DNAH7: variants seen among roughly 807,000 people sequenced by gnomAD.
The protein encoded by DNAH7 is dynein axonemal heavy chain 7.
A neutral mutation model predicts 444.6 loss-of-function variants in DNAH7; 397 were observed. The observed-to-expected ratio is 0.89, with a 90% CI of 0.82 to 0.97. The LOEUF is 0.97. DNAH7 is among the 50% of genes least tolerant of loss of function. The pLI is 0.00. For missense variants in DNAH7, 4,902 were observed against 4,800.8 expected, an observed-to-expected ratio of 1.02 and a Z score of -0.62; for synonymous variants, 1,636 against 1,624.4, an observed-to-expected ratio of 1.01 and a Z score of -0.17.
intron 5 of DNAH7, 33 bp downstream of exon 5, chr2:196,047,319 G>T: frequency 2.0e-6 from 3 of 1,501,476 alleles, no homozygotes; most frequent in Non-Finnish European, 2.7e-6. Context: ...CTCTAACATG[G>T]GTAACACGTA....
intron 57 of DNAH7, among the ~76,000 whole-genome samples, chr2:195,790,477 A>G (rs78709077): frequency 0.011 from 1,677 of 151,780 alleles, 36 homozygotes; most frequent in East Asian, 0.068. Context: ...AAAAAAAAAA[A>G]AAAAGAAAAA....
At chr2:195,814,161 C>T (rs932401130) in intron 51 of DNAH7, among the ~76,000 whole-genome samples, 2 of 152,164 alleles carry the variant, frequency 1.3e-5, no homozygotes, top group Admixed American at 6.5e-5. Context: ...TGGGCAAATA[C>T]TTCTGATTTC....
chr2:196,022,738 T>C (rs1695455308), intron 8 of DNAH7, among the ~76,000 whole-genome samples: 1 of 152,222 alleles, frequency 6.6e-6, no homozygotes, highest in Non-Finnish European at 1.5e-5. Context: ...TCTGCTCATG[T>C]TGATATTTTT....
At position 195,900,438 on chromosome 2, in the gene DNAH7, T is replaced by C; in HGVS notation, c.4392A>G (p.Ile1464Met). 6.2e-7 allele frequency: 1 copy of C among 1,614,024 alleles called. No homozygotes were observed. Among genetic ancestry groups the C allele is most frequent in the Non-Finnish European group, 8.5e-7 (1 of 1,179,902 alleles). Residue 1464 changes from isoleucine (I) to methionine (M), a missense_variant, in exon 28 of 65, where the codon ATA becomes ATG. Physicochemically the swap from Ile to Met is conservative, Grantham distance 10. Coordinates refer to ENST00000312428, the MANE Select transcript of DNAH7 (RefSeq NM_018897.3). Reference protein sequence around the residue: ...MVPDYAMIAEIVLYSCGFVTA... With the variant: ...MVPDYAMIAEMVLYSCGFVTA... ...TGACAAACCCACAGGAGTATAGGAC[T>C]ATTTCAGCAATCATGGCATAGTCAG...
chr2:195,917,851 A>G (rs2125332709), intron 24 of DNAH7, among the ~76,000 whole-genome samples: 1 of 152,208 alleles, frequency 6.6e-6, no homozygotes, highest in African/African-American at 2.4e-5. Context: ...CATTTTTTGT[A>G]GAGATGGGAG....
At chr2:195,809,061 T>C (rs1696839773) in intron 52 of DNAH7, among the ~76,000 whole-genome samples, 185 bp from the exon 53 acceptor site, 1 of 152,220 alleles carries the variant, frequency 6.6e-6, no homozygotes, top group Non-Finnish European at 1.5e-5. Context: ...TGATAACCAG[T>C]TTTCAAAATA....
At position 195,858,742 on chromosome 2, in the gene DNAH7, G is replaced by T. The variant is rs771401874; in HGVS notation, c.7799C>A (p.Ser2600Tyr). The change falls in exon 43 of 65, where the codon TCT (serine) becomes TAT (tyrosine). Residue 2600 changes from serine to tyrosine, a missense_variant. Coordinates refer to ENST00000312428, the MANE Select transcript of DNAH7 (RefSeq NM_018897.3). ...VGLEKLDSAS[S>Y]QVATMQMELE... ...CTCCATCTGCATTGTGGCTACTTGA[G>T]ATGAAGCAGAATCCAGTTTCTCCAA... The T allele has an allele frequency of 6.2e-7, 1 of 1,613,748 alleles. No individual in the cohort carries two copies. The highest frequency in any genetic ancestry group is 1.3e-5 in the African/African-American group (1 of 74,888).
chr2:196,018,726 A>G (rs1263173241), intron 9 of DNAH7, among the ~76,000 whole-genome samples: 1 of 152,290 alleles, frequency 6.6e-6, no homozygotes, highest in East Asian at 1.9e-4. Context: ...ATATAGTTAG[A>G]CAGAATGAAT....
chr2:195,798,852 T>C (rs1696304954), intron 55 of DNAH7, among the ~76,000 whole-genome samples: 1 of 152,030 alleles, frequency 6.6e-6, no homozygotes, highest in Non-Finnish European at 1.5e-5. Context: ...GGCCAGAACA[T>C]ATTTTAATCT....
At chr2:195,922,300 G>T (rs866436010) in intron 23 of DNAH7, 103 bp from the exon 24 acceptor site, 1 of 656,376 alleles carries the variant, frequency 1.5e-6, no homozygotes, top group East Asian at 2.9e-5. Flanking sequence ...CATCTTTAAA[G>T]TTCACTTTTC....
chr2:195,895,126 C>T lies in DNAH7; in HGVS notation c.4746G>A (p.Leu1582=). The change falls in exon 30 of 65, where the codon TTG becomes TTA. Residue 1582 remains leucine (L), a synonymous_variant. Coordinates refer to ENST00000312428, the MANE Select transcript of DNAH7 (RefSeq NM_018897.3). ...TCTCGGAAAAGAATGCAGTCATTTGCAAATTCATGGAGGCACAATTGTCTT... is the reference window on the plus strand; with the variant it reads ...TCTCGGAAAAGAATGCAGTCATTTGTAAATTCATGGAGGCACAATTGTCTT... ...AIKDNCASMN[L]QMTAFFSEKI... 6.2e-7 allele frequency: 1 copy of T among 1,613,702 alleles called. No individual in the cohort carries two copies. The highest frequency in any genetic ancestry group is 8.5e-7 in the Non-Finnish European group (1 of 1,179,802).
chr2:195,871,005 T>C (rs1700654613), intron 40 of DNAH7, among the ~76,000 whole-genome samples: 1 of 152,144 alleles, frequency 6.6e-6, no homozygotes, highest in Non-Finnish European at 1.5e-5. Flanking sequence ...CCTGCATCCG[T>C]ATCCTGGGAA....
intron 30 of DNAH7, chr2:195,893,683 A>G (rs1702144298): frequency 6.6e-6 from 1 of 152,252 alleles, no homozygotes; most frequent in Non-Finnish European, 1.5e-5. Flanking sequence ...GTCACCAAAG[A>G]AAAGTTTTTA....
chr2:195,851,709 T>A (rs1699375503), intron 46 of DNAH7, among the ~76,000 whole-genome samples: 1 of 152,096 alleles, frequency 6.6e-6, no homozygotes, highest in Admixed American at 6.5e-5. Context: ...CTGGGTAAAG[T>A]GGATTCTGCT....
chr2:195,887,507 T>C (rs896589911), intron 33 of DNAH7, among the ~76,000 whole-genome samples: 2 of 152,184 alleles, frequency 1.3e-5, no homozygotes, highest in African/African-American at 2.4e-5. Flanking sequence ...TTTCTCTGGA[T>C]TTTTTCTTTA....
chr2:195,859,021 T>C (rs1699876013), intron 42 of DNAH7, among the ~76,000 whole-genome samples: 1 of 152,210 alleles, frequency 6.6e-6, no homozygotes, highest in Admixed American at 6.5e-5. Flanking sequence ...TTCATTTTTG[T>C]GTTTTCAGTA....
In DNAH7 at chr2:195,909,391, A is replaced by G. The variant is rs559635864; in HGVS notation, c.4104+636T>C. Among the ~76,000 whole-genome samples, 4 of 152,298 alleles carry G rather than the reference A, an allele frequency of 2.6e-5. No individual in the cohort carries two copies. In the South Asian group the frequency reaches 8.3e-4, roughly 32 times the overall value. ...GGCTACAGACACAAGCTGCTAAAAT[A>G]ATCAGATGTTTATAGGTTTATAGGC... is the stretch of plus-strand genomic sequence containing the variant. On this transcript the variant is annotated intron_variant, in intron 25 of 64. Coordinates refer to ENST00000312428, the MANE Select transcript of DNAH7 (RefSeq NM_018897.3).
In DNAH7 at chr2:195,788,107, C is replaced by T. The variant is rs373242359; in HGVS notation, c.10717-936G>A. ...GGAGCCTAAGGAGAACCCATGAAAA[C>T]ACTCACAAGAGATTTCACAAAGAGC... On this transcript the variant is annotated intron_variant, in intron 57 of 64. Coordinates refer to ENST00000312428, the MANE Select transcript of DNAH7 (RefSeq NM_018897.3). Among the ~76,000 whole-genome samples, 9 of 152,294 alleles carry T rather than the reference C, an allele frequency of 5.9e-5. 1 individual carries two copies. The East Asian group carries it at 9.7e-4, about 16-fold the overall frequency.
chr2:195,782,732 G>C (rs1270197956), intron 58 of DNAH7, among the ~76,000 whole-genome samples: 3 of 152,110 alleles, frequency 2.0e-5, no homozygotes, highest in Non-Finnish European at 4.4e-5. Flanking sequence ...CATTTAACAG[G>C]ATGAACTATT....
Sources: gnomAD v4.1 joint callset for allele counts (sites outside exome capture counted in the v4.1 genomes callset) on GRCh38, gnomAD v4.1.1 for gene constraint, MANE v1.5 for transcripts, NCBI Gene and HGNC (gene_info 2026-07-23, HGNC 2026-07-21) for gene names.